The following AGBL4 variants were observed in gnomAD, a reference collection of about 807,000 sequenced individuals.
The protein encoded by AGBL4 is cytosolic carboxypeptidase 6.
Under a neutral mutation model 66.4 loss-of-function variants are expected in AGBL4, and 58 were observed. The observed-to-expected ratio is 0.87, with a 90% CI of 0.71 to 1.09. The LOEUF (loss-of-function observed/expected upper bound fraction) is 1.09, where lower values mean the gene tolerates loss of function less well. AGBL4 is among the 50% of genes least tolerant of loss of function. AGBL4 has a pLI of 0.00. For missense variants in AGBL4, 579 were observed against 631.0 expected (o/e 0.92, Z 0.88); for synonymous variants, 234 against 222.9 (o/e 1.05, Z -0.44).
chr1:49,601,440 A>C (rs1310130058), intron 3 of AGBL4, among the ~76,000 whole-genome samples: 1 of 151,548 alleles, frequency 6.6e-6, no homozygotes, highest in Non-Finnish European at 1.5e-5. Flanking sequence ...ATCCTTGTGT[A>C]TGCTTCACGA....
chr1:49,671,682 C>A (rs1646479474), intron 3 of AGBL4, among the ~76,000 whole-genome samples: 1 of 151,972 alleles, frequency 6.6e-6, no homozygotes, highest in African/African-American at 2.4e-5. Context: ...AGGACATGAA[C>A]AGACACTTCT....
chr1:49,699,539 A>G (rs571792878), intron 2 of AGBL4, among the ~76,000 whole-genome samples: 2 of 152,160 alleles, frequency 1.3e-5, no homozygotes, highest in African/African-American at 4.8e-5. Flanking sequence ...ATACCCAAAT[A>G]TATCACTAAA....
intron 3 of AGBL4, among the ~76,000 whole-genome samples, chr1:49,306,569 CCAAT>C (rs1311363969): frequency 5.9e-5 from 9 of 152,102 alleles, no homozygotes; most frequent in Non-Finnish European, 1.0e-4. Flanking sequence ...GTTGCTTCTC[CCAAT>C]CAATCAATGA....
intron 2 of AGBL4, among the ~76,000 whole-genome samples, chr1:49,718,481 G>A (rs1297034771): frequency 6.6e-6 from 1 of 151,956 alleles, no homozygotes; most frequent in East Asian, 1.9e-4. Context: ...AGCAATGTAA[G>A]AACAGACTAA....
chr1:48,696,458 T>C (rs1341162658), intron 6 of AGBL4, among the ~76,000 whole-genome samples: 3 of 152,048 alleles, frequency 2.0e-5, no homozygotes. Context: ...AACCTTACCA[T>C]ACAAAAAGGG....
At chr1:49,064,286 C>T (rs1644453533) in intron 4 of AGBL4, among the ~76,000 whole-genome samples, 1 of 152,182 alleles carries the variant, frequency 6.6e-6, no homozygotes, top group Non-Finnish European at 1.5e-5. Flanking sequence ...GTTTAAATGA[C>T]TCCTTCTCTG....
chr1:49,172,471 G>A (rs1232778242), intron 4 of AGBL4, among the ~76,000 whole-genome samples: 1 of 152,176 alleles, frequency 6.6e-6, no homozygotes, highest in Non-Finnish European at 1.5e-5. Context: ...GAACCAGTAG[G>A]AAGAGAGAGA....
At position 49,499,817 on chromosome 1, in the gene AGBL4, T is replaced by C. The variant is rs188046214; in HGVS notation, c.282+197496A>G. Among the ~76,000 whole-genome samples the C allele has an allele frequency of 3.9e-5, 6 of 151,972 alleles. No individual in the cohort carries two copies. In the East Asian group the frequency reaches 9.7e-4, roughly 25 times the overall value. ...TTAGGCTGGTTACATATTTTGGCAA[T>C]TGAGAATTGTGCTGCTGTAAACATG... On this transcript the variant is annotated intron_variant, in intron 3 of 13. Transcript: ENST00000371839.
At chr1:49,671,621 CTTAAACAAAT>C (rs1413428204) in intron 3 of AGBL4, among the ~76,000 whole-genome samples, 4 of 151,990 alleles carry the variant, frequency 2.6e-5, no homozygotes, top group South Asian at 4.1e-4. Flanking sequence ...CTAAAAAGAA[CTTAAACAAAT>C]TTACAAGAGA....
chr1:49,653,179 A>G (rs978159734), intron 3 of AGBL4, among the ~76,000 whole-genome samples: 2 of 152,068 alleles, frequency 1.3e-5, no homozygotes, highest in Non-Finnish European at 2.9e-5. Context: ...GAGGGACCCA[A>G]GTGAATAGGG....
chr1:49,335,197 T>C (rs1289689867), intron 3 of AGBL4, among the ~76,000 whole-genome samples: 1 of 152,212 alleles, frequency 6.6e-6, no homozygotes, highest in Non-Finnish European at 1.5e-5. Context: ...TTCACTCCGT[T>C]GCTCAGGTCA....
intron 2 of AGBL4, among the ~76,000 whole-genome samples, chr1:49,709,634 G>A (rs1398926339): frequency 2.6e-5 from 4 of 151,922 alleles, no homozygotes; most frequent in African/African-American, 4.8e-5. Context: ...GCTTCTGTAC[G>A]GCAAAAGAAA....
intron 2 of AGBL4, among the ~76,000 whole-genome samples, chr1:49,805,955 A>G (rs923142910): frequency 6.6e-5 from 10 of 152,240 alleles, no homozygotes; most frequent in Admixed American, 2.6e-4. Context: ...CATTTTTTAA[A>G]TAGCAGCCCA....
intron 5 of AGBL4, among the ~76,000 whole-genome samples, chr1:48,902,363 A>C (rs1652167972): frequency 6.6e-6 from 1 of 152,214 alleles, no homozygotes; most frequent in Non-Finnish European, 1.5e-5. Context: ...GGGAAGGCAC[A>C]AGTGAGTTTA....
At chr1:48,775,029 C>T (rs780709517) in intron 6 of AGBL4, among the ~76,000 whole-genome samples, 10 of 152,208 alleles carry the variant, frequency 6.6e-5, no homozygotes, top group Non-Finnish European at 1.3e-4. Context: ...TTCCTCAAGC[C>T]TATCGTCTTG....
intron 1 of AGBL4, among the ~76,000 whole-genome samples, chr1:49,884,490 G>T (rs749081493): frequency 5.9e-5 from 9 of 151,838 alleles, no homozygotes; most frequent in Non-Finnish European, 1.0e-4. Flanking sequence ...GAAAAGGAAA[G>T]AAATAATTTA....
At chr1:48,700,665 T>C (rs147338269) in intron 6 of AGBL4, among the ~76,000 whole-genome samples, 1 of 152,156 alleles carries the variant, frequency 6.6e-6, no homozygotes, top group African/African-American at 2.4e-5. Flanking sequence ...CCATCTCTTA[T>C]CTACCCACAA....
At chr1:48,773,705 G>GCCGATGTTCCCATCAA (rs1644944374) in intron 6 of AGBL4, among the ~76,000 whole-genome samples, 1 of 152,148 alleles carries the variant, frequency 6.6e-6, no homozygotes, top group Non-Finnish European at 1.5e-5. Context: ...CTGCCAAGTG[G>GCCGATGTTCCCATCAA]GGGCCTGGCA....
At chr1:49,270,172 A>G (rs569634951) in intron 3 of AGBL4, among the ~76,000 whole-genome samples, 102 of 152,242 alleles carry the variant, frequency 6.7e-4, no homozygotes, top group South Asian at 1.7e-3. Flanking sequence ...ATGAATATTC[A>G]TATTGTTTGG....
Sources: gnomAD v4.1 joint callset for allele counts (sites outside exome capture counted in the v4.1 genomes callset) on GRCh38, gnomAD v4.1.1 for gene constraint, MANE v1.5 for transcripts, NCBI Gene and HGNC (gene_info 2026-07-23, HGNC 2026-07-21) for gene names.